Variants in MBD5 observed in about 807,000 individuals in gnomAD.
MBD5 encodes methyl-CpG-binding domain protein 5.
MBD5 carries 13 observed loss-of-function variants against 117.3 expected under a neutral mutation model. The ratio of observed to expected loss-of-function variants is 0.11; its 90% CI spans 0.07 to 0.18. The LOEUF (loss-of-function observed/expected upper bound fraction) is 0.18. Among genes scored for constraint, MBD5 ranks in the 10% least tolerant of loss-of-function variants. The probability of loss-of-function intolerance (pLI) is 1.00; values close to 1 mark genes in which losing one functional copy is unlikely to be tolerated. For synonymous variants in MBD5, 727 were observed against 766.4 expected (o/e 0.95, Z 0.85); for missense variants, 1,879 against 2,093.8 (o/e 0.90, Z 2.00).
intron 1 of MBD5, 109 bp downstream of exon 1, chr2:148,021,793 GGT>G: frequency 4.6e-6 from 1 of 219,392 alleles, no homozygotes; most frequent in Non-Finnish European, 9.6e-6. Flanking sequence ...GTGAGGAGGG[GGT>G]GGTGCTGGGG....
intron 12 of MBD5, among the ~76,000 whole-genome samples, chr2:148,509,267 A>C (rs1682138258): frequency 6.6e-6 from 1 of 152,242 alleles, no homozygotes; most frequent in African/African-American, 2.4e-5. Flanking sequence ...CAGGATGGGC[A>C]AAGTGTACAT....
chr2:148,243,007 G>A (rs1700250183), intron 3 of MBD5, among the ~76,000 whole-genome samples: 2 of 152,246 alleles, frequency 1.3e-5, no homozygotes, highest in South Asian at 4.1e-4. Flanking sequence ...CTCTCTGTAA[G>A]CATTATTACA....
At chr2:148,104,654 A>T (rs1696321990) in intron 1 of MBD5, among the ~76,000 whole-genome samples, 1 of 152,196 alleles carries the variant, frequency 6.6e-6, no homozygotes, top group Non-Finnish European at 1.5e-5. Context: ...ATGTGGCCTT[A>T]GTTAGTGCAT....
intron 2 of MBD5, among the ~76,000 whole-genome samples, chr2:148,198,902 G>A (rs1279863190): frequency 6.6e-6 from 1 of 151,812 alleles, no homozygotes; most frequent in Non-Finnish European, 1.5e-5. Flanking sequence ...GTTCTCCAGA[G>A]AAACAGTAGG....
intron 1 of MBD5, chr2:148,055,502 C>G (rs1694832889): frequency 6.7e-6 from 1 of 150,164 alleles, no homozygotes. Context: ...GTGGTGCCAT[C>G]GCTCCCTGCA....
At chr2:148,363,468 C>T (rs913341650) in intron 4 of MBD5, among the ~76,000 whole-genome samples, 1 of 152,042 alleles carries the variant, frequency 6.6e-6, no homozygotes, top group African/African-American at 2.4e-5. Context: ...CTCCTGACCT[C>T]GTGATCCACC....
At chr2:148,184,301 C>T (rs958214156) in intron 2 of MBD5, among the ~76,000 whole-genome samples, 3 of 152,166 alleles carry the variant, frequency 2.0e-5, no homozygotes, top group African/African-American at 7.2e-5. Flanking sequence ...GTGTGAGCCA[C>T]CAGACCCAGC....
At chr2:148,413,598 T>C (rs1705333117) in intron 4 of MBD5, among the ~76,000 whole-genome samples, 1 of 151,422 alleles carries the variant, frequency 6.6e-6, no homozygotes, top group Non-Finnish European at 1.5e-5. Context: ...ATCCATCTGG[T>C]CCTGGGTTTT....
chr2:148,104,516 TTTAAG>T (rs1303726012), intron 1 of MBD5, among the ~76,000 whole-genome samples: 28 of 152,314 alleles, frequency 1.8e-4, no homozygotes, highest in African/African-American at 5.8e-4. Flanking sequence ...ATGATTGTCA[TTTAAG>T]TTAAGTTTTA....
intron 3 of MBD5, among the ~76,000 whole-genome samples, chr2:148,276,007 TG>T (rs1701103724): frequency 6.6e-6 from 1 of 152,210 alleles, no homozygotes; most frequent in African/African-American, 2.4e-5. Context: ...TTTATATTTT[TG>T]TTTTGACTAT....
chr2:148,407,877 G>A (rs192629565), intron 4 of MBD5, among the ~76,000 whole-genome samples: 4 of 152,140 alleles, frequency 2.6e-5, no homozygotes, highest in South Asian at 4.2e-4. Flanking sequence ...GTCAACATCC[G>A]TTTTCTGATT....
intron 4 of MBD5, among the ~76,000 whole-genome samples, chr2:148,374,654 T>G (rs1703947055): frequency 6.6e-6 from 1 of 152,202 alleles, no homozygotes; most frequent in African/African-American, 2.4e-5. Flanking sequence ...TCCTTCACCC[T>G]GAGGTTAAGG....
rs374833728 is a variant in MBD5, at chr2:148,222,016, G to A, written c.-830-11229G>A. 1.7e-4 allele frequency among the ~76,000 whole-genome samples: 26 copies of A among 152,196 alleles called. 2 individuals carry two copies. In the South Asian group the frequency reaches 5.4e-3, roughly 32 times the overall value. On this transcript the variant is annotated intron_variant, in intron 2 of 13. Coordinates refer to ENST00000642680, the MANE Select transcript of MBD5 (RefSeq NM_001378120.1). Reference sequence around the variant, plus strand: ...CCCAGCACCATTTATTGAAGAGACTGTCTTTTCCACGGTGTATGTTCTTGG... The same window carrying A: ...CCCAGCACCATTTATTGAAGAGACTATCTTTTCCACGGTGTATGTTCTTGG...
chr2:148,196,305 G>A (rs766464317), intron 2 of MBD5: 7 of 151,860 alleles, frequency 4.6e-5, no homozygotes, highest in Non-Finnish European at 8.8e-5. Context: ...TTCCACTACG[G>A]TTTCATTTAT....
At chr2:148,252,190 C>T (rs549089048) in intron 3 of MBD5, among the ~76,000 whole-genome samples, 4 of 152,204 alleles carry the variant, frequency 2.6e-5, no homozygotes, top group African/African-American at 4.8e-5. Context: ...TGTCTGGTCA[C>T]GGTGACTCAC....
chr2:148,371,165 T>G (rs961532625), intron 4 of MBD5, among the ~76,000 whole-genome samples: 2 of 152,176 alleles, frequency 1.3e-5, no homozygotes, highest in Admixed American at 6.5e-5. Context: ...CATCAAGAAT[T>G]TTAAAGTCTA....
At chr2:148,267,404 A>C (rs746844500) in intron 3 of MBD5, among the ~76,000 whole-genome samples, 2 of 152,172 alleles carry the variant, frequency 1.3e-5, no homozygotes, top group Non-Finnish European at 2.9e-5. Context: ...AGATGTTTAC[A>C]TTTTTCTAAT....
At chr2:148,502,326 G>A (rs2105224624) in intron 11 of MBD5, 110 bp from the exon 12 acceptor site, 3 of 922,318 alleles carry the variant, frequency 3.3e-6, no homozygotes, top group Admixed American at 3.9e-5. Context: ...TGAAGGTTAA[G>A]GCTCCCCTCC....
Position 148,468,358 on chromosome 2 carries a change from C to T in MBD5, c.415C>T (p.Pro139Ser), listed in dbSNP as rs1472737578. The T allele has an allele frequency of 2.5e-6, 4 of 1,613,302 alleles. No individual in the cohort carries two copies. In the East Asian group the frequency reaches 6.7e-5, roughly 27 times the overall value. ...CACATCAGATGCAACTCCAGTAGTA[C>T]CTTCTCGGGCAGCAACTCCAAGATC... is the stretch of plus-strand genomic sequence containing the variant. ...GGGTNATPVVPSRAATPRSVR... is the reference protein window; with the variant it reads ...GGGTNATPVVSSRAATPRSVR... The change falls in exon 8 of 14, where the codon CCT becomes TCT. Residue 139 changes from proline to serine, a missense_variant. Around this residue, in one of 4 missense-constraint regions of MBD5, gnomAD observed 1,666 missense variants for 1,792.2 expected, o/e 0.93. Transcript: ENST00000642680.
Sources: allele counts gnomAD v4.1 joint callset (sites outside exome capture counted in the v4.1 genomes callset), GRCh38; gene constraint gnomAD v4.1.1; regional missense constraint gnomAD v4.1.1; transcripts MANE v1.5; gene names NCBI Gene and HGNC (gene_info 2026-07-23, HGNC 2026-07-21).